SPTLC3: variants seen among roughly 807,000 people sequenced by gnomAD.
SPTLC3 encodes serine palmitoyltransferase long chain base subunit 3.
In SPTLC3, 36 loss-of-function variants were observed where a neutral mutation model predicts 59.3. That is an observed-to-expected ratio of 0.61 (90% CI 0.47 to 0.80). The LOEUF (loss-of-function observed/expected upper bound fraction) is 0.80, where lower values mean the gene tolerates loss of function less well. SPTLC3 is among the 30% of genes least tolerant of loss of function. The pLI, the probability that SPTLC3 is intolerant of heterozygous loss-of-function variation, is 0.00. For synonymous variants in SPTLC3, 257 were observed against 240.8 expected (o/e 1.07, Z -0.62); for missense variants, 625 against 685.1 (o/e 0.91, Z 0.98).
At chr20:13,066,849 A>C (rs1411719078) in intron 2 of SPTLC3, among the ~76,000 whole-genome samples, 1 of 151,490 alleles carries the variant, frequency 6.6e-6, no homozygotes, top group Non-Finnish European at 1.5e-5. Context: ...TGTTCTTCTG[A>C]ATCTGCCCTA....
At chr20:13,076,708 A>T (rs1988659370) in intron 4 of SPTLC3, among the ~76,000 whole-genome samples, 1 of 152,218 alleles carries the variant, frequency 6.6e-6, no homozygotes, top group Non-Finnish European at 1.5e-5. Flanking sequence ...ATGTGCTGCA[A>T]TTTAAAAATA....
rs981715908 is a variant in SPTLC3 at position 13,009,089 on chromosome 20, G to A, written c.-179G>A. The A allele has an allele frequency of 3.3e-6, 2 of 615,298 alleles. No homozygotes were observed. Among genetic ancestry groups the A allele is most frequent in the Non-Finnish European group, 5.8e-6 (2 of 345,094 alleles). 38.1% of individuals were successfully genotyped at this position (615,298 alleles called of 1,614,324 possible). ...AGTATAAAGGTAACCATTTGTTTTAGTTTCAACGATCTGACAAAAAGATAG... is the reference window on the plus strand; with the variant it reads ...AGTATAAAGGTAACCATTTGTTTTAATTTCAACGATCTGACAAAAAGATAG... On this transcript the variant is annotated 5_prime_UTR_variant, in exon 1 of 12. Transcript: ENST00000399002.
intron 1 of SPTLC3, among the ~76,000 whole-genome samples, chr20:13,042,121 C>T (rs1442876275): frequency 6.6e-6 from 1 of 152,170 alleles, no homozygotes; most frequent in Non-Finnish European, 1.5e-5. Flanking sequence ...TAAGAGGGCT[C>T]TTCATAGCTA....
At chr20:13,029,008 C>T (rs368630712) in intron 1 of SPTLC3, among the ~76,000 whole-genome samples, 1 of 152,204 alleles carries the variant, frequency 6.6e-6, no homozygotes, top group Non-Finnish European at 1.5e-5. Context: ...ACTGTACTCC[C>T]TTACACATCA....
At chr20:13,067,437 G>A (rs1222516624) in intron 2 of SPTLC3, among the ~76,000 whole-genome samples, 2 of 152,036 alleles carry the variant, frequency 1.3e-5, no homozygotes, top group South Asian at 4.1e-4. Flanking sequence ...GTTTCCTGTG[G>A]TTTAATTTCC....
chr20:13,012,820 G>A (rs1217986921), intron 1 of SPTLC3, among the ~76,000 whole-genome samples: 1 of 152,156 alleles, frequency 6.6e-6, no homozygotes, highest in East Asian at 1.9e-4. Context: ...TTTTCAGTAT[G>A]TTCTAGGAAA....
chr20:13,104,980 G>T (rs1021401109), intron 6 of SPTLC3, among the ~76,000 whole-genome samples: 2 of 152,052 alleles, frequency 1.3e-5, no homozygotes, highest in African/African-American at 4.8e-5. Flanking sequence ...TAATGCAAGT[G>T]TAAGTGCCTT....
At chr20:13,112,676 C>G (rs970655171) in intron 7 of SPTLC3, among the ~76,000 whole-genome samples, 2 of 152,164 alleles carry the variant, frequency 1.3e-5, no homozygotes, top group African/African-American at 2.4e-5. Context: ...TCATTTCACC[C>G]ACACAGGAAT....
chr20:13,090,999 G>A, intron 4 of SPTLC3, 84 bp from the exon 5 acceptor site: 1 of 1,553,970 alleles, frequency 6.4e-7, no homozygotes, highest in Non-Finnish European at 8.7e-7. Flanking sequence ...GTCTTTTGGT[G>A]ATGTGTACGT....
intron 1 of SPTLC3, among the ~76,000 whole-genome samples, chr20:13,013,290 ACTT>A (rs1489796269): frequency 6.6e-6 from 1 of 152,166 alleles, no homozygotes; most frequent in Non-Finnish European, 1.5e-5. Context: ...TGTAGTATAA[ACTT>A]CTTCTAGAGA....
intron 10 of SPTLC3, 100 bp downstream of exon 10, chr20:13,154,238 G>A: frequency 6.8e-7 from 1 of 1,472,890 alleles, no homozygotes. Context: ...AATGGGGTGA[G>A]TGAGTTCAGA....
intron 2 of SPTLC3, among the ~76,000 whole-genome samples, chr20:13,062,467 A>G (rs1049835522): frequency 2.6e-5 from 4 of 152,230 alleles, no homozygotes; most frequent in Non-Finnish European, 4.4e-5. Flanking sequence ...TTATTTGTAT[A>G]ATACAGAAAC....
At chr20:13,152,830 A>T (rs1298432459) in intron 9 of SPTLC3, among the ~76,000 whole-genome samples, 3 of 152,186 alleles carry the variant, frequency 2.0e-5, no homozygotes, top group African/African-American at 4.8e-5. Context: ...AAAAGGCACA[A>T]TCTGGGGCCA....
At chr20:13,094,947 C>G (rs1009977415) in intron 6 of SPTLC3, among the ~76,000 whole-genome samples, 3 of 152,146 alleles carry the variant, frequency 2.0e-5, no homozygotes, top group Admixed American at 6.6e-5. Context: ...GCATCAAACA[C>G]TCAATTTCGG....
At chr20:13,118,084 A>C (rs1990666562) in intron 8 of SPTLC3, among the ~76,000 whole-genome samples, 2 of 152,176 alleles carry the variant, frequency 1.3e-5, no homozygotes. Context: ...GCCATATTTA[A>C]CACACAGAGA....
intron 9 of SPTLC3, among the ~76,000 whole-genome samples, chr20:13,143,074 A>C (rs529069700): frequency 7.9e-5 from 12 of 152,332 alleles, no homozygotes; most frequent in Admixed American, 5.9e-4. Flanking sequence ...CTCTGTGATC[A>C]TCTGCTTCAA....
chr20:13,060,422 G>T (rs1987921109), intron 2 of SPTLC3, among the ~76,000 whole-genome samples: 1 of 143,120 alleles, frequency 7.0e-6, no homozygotes, highest in Admixed American at 7.1e-5. Context: ...ATTTATCTGG[G>T]GGATTGTCCT....
intron 1 of SPTLC3, among the ~76,000 whole-genome samples, chr20:13,045,509 AAGTAAAAGAATAT>A: frequency 6.6e-6 from 1 of 152,298 alleles, no homozygotes; most frequent in Non-Finnish European, 1.5e-5. Flanking sequence ...CTTCAATTAT[AAGTAAAAGAATAT>A]AGTAAGTGAG....
At chr20:13,154,274 C>T (rs887162256) in intron 10 of SPTLC3, 136 bp downstream of exon 10, 68 of 1,123,068 alleles carry the variant, frequency 6.1e-5, no homozygotes, top group Admixed American at 3.0e-4. Context: ...TTCTCGGAAG[C>T]CACCTGTCAC....
Sources: allele counts gnomAD v4.1 joint callset (sites outside exome capture counted in the v4.1 genomes callset), GRCh38; gene constraint gnomAD v4.1.1; transcripts MANE v1.5; gene names NCBI Gene and HGNC (gene_info 2026-07-23, HGNC 2026-07-21).